Variants in EFCAB11 observed in about 807,000 individuals in gnomAD.
EFCAB11 encodes EF-hand calcium binding domain 11.
EFCAB11 carries 14 observed loss-of-function variants against 23.0 expected under a neutral mutation model. The ratio of observed to expected loss-of-function variants is 0.61; its 90% CI spans 0.40 to 0.95. The LOEUF (loss-of-function observed/expected upper bound fraction) is 0.95, where lower values mean the gene tolerates loss of function less well. Among genes scored for constraint, EFCAB11 ranks in the 40% least tolerant of loss-of-function variants. EFCAB11 has a pLI of 0.00. For missense variants in EFCAB11, 198 were observed against 195.8 expected (o/e 1.01, Z -0.07); for synonymous variants, 65 against 66.6 (o/e 0.98, Z 0.11).
At position 89,797,085 on chromosome 14, in the gene EFCAB11, G is replaced by A. The variant is rs1327414902; in HGVS notation, c.*158C>T. On this transcript the variant is annotated 3_prime_UTR_variant, in exon 6 of 6. Coordinates refer to ENST00000316738, the MANE Select transcript of EFCAB11 (RefSeq NM_145231.4). ...TATCTCCCGTAACCCATATATGTGT[G>A]TGTATGTATACATATGCACCTACTA... 4.1e-5 allele frequency: 20 copies of A among 492,712 alleles called. No homozygotes were observed. Among genetic ancestry groups the A allele is most frequent in the Non-Finnish European group, 6.8e-5 (19 of 277,516 alleles). 30.5% of individuals were successfully genotyped at this position (492,712 alleles called of 1,614,324 possible).
chr14:89,928,243 ATAT>A (rs1890256942), intron 5 of EFCAB11, among the ~76,000 whole-genome samples: 3 of 152,186 alleles, frequency 2.0e-5, no homozygotes, highest in Admixed American at 2.0e-4. Flanking sequence ...ATATGTTATT[ATAT>A]TAATATACTA....
intron 5 of EFCAB11, among the ~76,000 whole-genome samples, chr14:89,919,650 G>C (rs546932834): frequency 1.3e-4 from 20 of 152,260 alleles, no homozygotes; most frequent in African/African-American, 3.1e-4. Flanking sequence ...GGCAGAGTAG[G>C]GGGGAGAGTA....
Position 89,931,578 on chromosome 14 carries a change from G to A in EFCAB11, c.373C>T (p.Pro125Ser). ...AGAACAGTCCTTTCCGGTAATTTGG[G>A]AGCCACCTGCCTAAATGCTTTTTTG... is the stretch of plus-strand genomic sequence containing the variant. ...DFKKAFRQVAPKLPERTVLEV... is the reference protein window; with the variant it reads ...DFKKAFRQVASKLPERTVLEV... The change falls in exon 5 of 6, where the codon CCC becomes TCC. Residue 125 changes from proline (P) to serine (S), a missense_variant. Transcript: ENST00000316738. 3 of 1,614,100 alleles carry A rather than the reference G, an allele frequency of 1.9e-6. No individual in the cohort carries two copies. Among genetic ancestry groups the A allele is most frequent in the South Asian group, 1.1e-5 (1 of 91,078 alleles).
chr14:89,892,321 G>A, intron 5 of EFCAB11: 1 of 1,613,810 alleles, frequency 6.2e-7, no homozygotes, highest in Non-Finnish European at 8.5e-7. Flanking sequence ...ATGCTATCCA[G>A]CAGGCCCTGC....
intron 5 of EFCAB11, among the ~76,000 whole-genome samples, chr14:89,871,719 T>C (rs945385114): frequency 6.6e-6 from 1 of 152,184 alleles, no homozygotes; most frequent in Admixed American, 6.5e-5. Context: ...TCATATTCCC[T>C]GCATTACTAA....
At chr14:89,936,374 T>G (rs974077785) in intron 3 of EFCAB11, among the ~76,000 whole-genome samples, 2 of 152,212 alleles carry the variant, frequency 1.3e-5, no homozygotes, top group Non-Finnish European at 2.9e-5. Flanking sequence ...TATTTTACAA[T>G]ATTGTAGGAT....
At chr14:89,950,168 A>C (rs1291470302) in intron 2 of EFCAB11, 26 bp from the exon 3 acceptor site, 8 of 1,545,004 alleles carry the variant, frequency 5.2e-6, no homozygotes, top group Non-Finnish European at 6.2e-6. Context: ...AAATAATAGA[A>C]CATGTAATTT....
intron 5 of EFCAB11, among the ~76,000 whole-genome samples, chr14:89,885,343 T>C (rs1002605718): frequency 6.6e-6 from 1 of 152,148 alleles, no homozygotes; most frequent in African/African-American, 2.4e-5. Flanking sequence ...TTGTCAGTTC[T>C]CCCCAAATTG....
intron 5 of EFCAB11, among the ~76,000 whole-genome samples, chr14:89,900,842 A>C (rs1227233308): frequency 1.3e-5 from 2 of 152,242 alleles, no homozygotes; most frequent in Admixed American, 6.5e-5. Context: ...TTTTAATAAC[A>C]GTCTTTTCGT....
Position 89,953,893 on chromosome 14 carries a change from A to G in EFCAB11, c.171+13T>C. On this transcript the variant is annotated intron_variant, in intron 2 of 5. Coordinates refer to ENST00000316738, the MANE Select transcript of EFCAB11 (RefSeq NM_145231.4). ...TCGTCTACCCCATCCCCAAATATAT[A>G]AGAAAGCTCTACCTTGGAGGGCTTG... The G allele has an allele frequency of 5.0e-6, 8 of 1,608,788 alleles. No homozygotes were observed. The highest frequency in any genetic ancestry group is 6.8e-6 in the Non-Finnish European group (8 of 1,177,246).
At chr14:89,931,928 A>G (rs1256033898) in intron 4 of EFCAB11, among the ~76,000 whole-genome samples, 1 of 152,164 alleles carries the variant, frequency 6.6e-6, no homozygotes, top group Non-Finnish European at 1.5e-5. Flanking sequence ...CACTCTAACA[A>G]CGGTGTTAGA....
intron 5 of EFCAB11, among the ~76,000 whole-genome samples, chr14:89,917,965 G>C (rs1889903085): frequency 6.6e-6 from 1 of 152,150 alleles, no homozygotes; most frequent in Non-Finnish European, 1.5e-5. Flanking sequence ...GGAAGAGCGA[G>C]AATCGAGGAC....
intron 5 of EFCAB11, among the ~76,000 whole-genome samples, chr14:89,927,365 C>T (rs765030): frequency 0.056 from 8,469 of 152,186 alleles, 405 homozygotes; most frequent in African/African-American, 0.12. Context: ...CAGAGGACCC[C>T]GGCCTAATTA....
chr14:89,800,382 G>C (rs1369046039), intron 5 of EFCAB11, among the ~76,000 whole-genome samples: 1 of 152,170 alleles, frequency 6.6e-6, no homozygotes, highest in East Asian at 1.9e-4. Context: ...ACATGGGGCA[G>C]TGGAGCGAGG....
chr14:89,868,829 A>G (rs1013017911), intron 5 of EFCAB11, among the ~76,000 whole-genome samples: 2 of 152,238 alleles, frequency 1.3e-5, no homozygotes, highest in African/African-American at 2.4e-5. Flanking sequence ...AAGGAAAATG[A>G]CATATCCTTC....
At chr14:89,841,938 G>A (rs548706053) in intron 5 of EFCAB11, among the ~76,000 whole-genome samples, 3 of 152,090 alleles carry the variant, frequency 2.0e-5, no homozygotes, top group South Asian at 2.1e-4. Context: ...AGTGCTGACC[G>A]GGCAGCTCCT....
chr14:89,927,034 G>C (rs1458192044), intron 5 of EFCAB11, among the ~76,000 whole-genome samples: 1 of 152,114 alleles, frequency 6.6e-6, no homozygotes, highest in African/African-American at 2.4e-5. Context: ...AACATCACCA[G>C]AATACCTAGG....
intron 5 of EFCAB11, among the ~76,000 whole-genome samples, chr14:89,828,145 A>T (rs1886765215): frequency 6.6e-6 from 1 of 152,148 alleles, no homozygotes; most frequent in Non-Finnish European, 1.5e-5. Context: ...TTTTTCATTC[A>T]ACCTGAGATG....
At chr14:89,802,583 G>A (rs1885823395) in intron 5 of EFCAB11, among the ~76,000 whole-genome samples, 1 of 152,094 alleles carries the variant, frequency 6.6e-6, no homozygotes, top group Non-Finnish European at 1.5e-5. Flanking sequence ...AGTAGAGATG[G>A]GGTTTCGCCA....
Sources: gnomAD v4.1 joint callset for allele counts (sites outside exome capture counted in the v4.1 genomes callset) on GRCh38, gnomAD v4.1.1 for gene constraint, MANE v1.5 for transcripts, NCBI Gene and HGNC (gene_info 2026-07-23, HGNC 2026-07-21) for gene names.